CADM2: variants seen among roughly 807,000 people sequenced by gnomAD.
CADM2 encodes immunoglobulin superfamily member 4D.
Under a neutral mutation model 49.8 loss-of-function variants are expected in CADM2, and 12 were observed. The ratio of observed to expected loss-of-function variants is 0.24; its 90% CI spans 0.15 to 0.39. The LOEUF (loss-of-function observed/expected upper bound fraction) is 0.39. Ranked by LOEUF, CADM2 falls within the 10% of genes least tolerant of loss-of-function variation. The probability of loss-of-function intolerance (pLI) is 1.00; values close to 1 mark genes in which losing one functional copy is unlikely to be tolerated. For synonymous variants in CADM2, 214 were observed against 175.4 expected (o/e 1.22, Z -1.74); for missense variants, 378 against 492.3 (o/e 0.77, Z 2.20).
At chr3:85,122,874 A>T (rs1315272342) in intron 1 of CADM2, among the ~76,000 whole-genome samples, 3 of 152,156 alleles carry the variant, frequency 2.0e-5, no homozygotes, top group South Asian at 2.1e-4. Context: ...TCTTCTCAAA[A>T]TTTGGCTCTT....
chr3:85,685,914 A>T (rs923273624), intron 1 of CADM2, among the ~76,000 whole-genome samples: 1 of 152,144 alleles, frequency 6.6e-6, no homozygotes, highest in Admixed American at 6.5e-5. Flanking sequence ...ATGGGCCACC[A>T]CGCCTGGCCT....
chr3:85,843,198 AT>A (rs1179761823), intron 3 of CADM2, among the ~76,000 whole-genome samples: 3 of 152,112 alleles, frequency 2.0e-5, no homozygotes, highest in African/African-American at 7.2e-5. Flanking sequence ...CAGTTTTGAG[AT>A]TATATTTAGA....
At chr3:85,062,915 A>G (rs1015117450) in intron 1 of CADM2, among the ~76,000 whole-genome samples, 2 of 150,728 alleles carry the variant, frequency 1.3e-5, no homozygotes, top group Non-Finnish European at 1.5e-5. Flanking sequence ...CTGTGAATCA[A>G]TTATGAATTT....
At chr3:85,812,040 C>T (rs1325363646) in intron 3 of CADM2, among the ~76,000 whole-genome samples, 1 of 151,754 alleles carries the variant, frequency 6.6e-6, no homozygotes. Flanking sequence ...TATTGCTATG[C>T]CCTGGGAATT....
intron 1 of CADM2, among the ~76,000 whole-genome samples, chr3:85,084,357 G>A (rs1051040311): frequency 2.0e-5 from 3 of 152,008 alleles, no homozygotes; most frequent in Non-Finnish European, 4.4e-5. Context: ...AACTGCCTTC[G>A]TTCACTTCGA....
chr3:86,011,365 T>C (rs1731489348), intron 8 of CADM2, among the ~76,000 whole-genome samples: 1 of 152,170 alleles, frequency 6.6e-6, no homozygotes, highest in Admixed American at 6.5e-5. Context: ...ACCATTTTAA[T>C]CAGTTCATTG....
At chr3:85,797,288 G>T (rs1041373321) in intron 2 of CADM2, among the ~76,000 whole-genome samples, 7 of 151,922 alleles carry the variant, frequency 4.6e-5, no homozygotes, top group African/African-American at 1.7e-4. Flanking sequence ...TCAAGTTCTG[G>T]CATACACGTG....
chr3:85,726,066 T>G (rs753217952), intron 1 of CADM2, among the ~76,000 whole-genome samples: 39 of 152,026 alleles, frequency 2.6e-4, no homozygotes, highest in Non-Finnish European at 5.0e-4. Context: ...AAGTGGTAGA[T>G]GTATGGAAAG....
At chr3:85,851,634 T>G (rs2075113328) in intron 3 of CADM2, among the ~76,000 whole-genome samples, 1 of 148,826 alleles carries the variant, frequency 6.7e-6, no homozygotes, top group African/African-American at 2.5e-5. Context: ...TCAAACACTT[T>G]GTCATACTAG....
At chr3:85,944,636 C>A (rs1413129199) in intron 7 of CADM2, among the ~76,000 whole-genome samples, 1 of 152,056 alleles carries the variant, frequency 6.6e-6, no homozygotes, top group Admixed American at 6.6e-5. Context: ...AACTGCTCAA[C>A]TACATGGAAA....
At chr3:85,142,115 G>A (rs11922640) in intron 1 of CADM2, among the ~76,000 whole-genome samples, 5,457 of 152,272 alleles carry the variant, frequency 0.036, 295 homozygotes, top group African/African-American at 0.12. Flanking sequence ...TGGTGCAGAA[G>A]TAATTGCGGT....
At chr3:85,835,948 G>C (rs1027819163) in intron 3 of CADM2, among the ~76,000 whole-genome samples, 1 of 150,976 alleles carries the variant, frequency 6.6e-6, no homozygotes, top group Non-Finnish European at 1.5e-5. Flanking sequence ...TGGCTATAAA[G>C]CATCATATGT....
chr3:85,925,491 C>T (rs1403138111), intron 6 of CADM2, among the ~76,000 whole-genome samples: 4 of 151,944 alleles, frequency 2.6e-5, no homozygotes, highest in South Asian at 2.1e-4. Context: ...GAATTACAAA[C>T]GGGAAAAATA....
chr3:85,079,671 A>G (rs1214408021), intron 1 of CADM2, among the ~76,000 whole-genome samples: 1 of 151,848 alleles, frequency 6.6e-6, no homozygotes, highest in Non-Finnish European at 1.5e-5. Context: ...CAATTTCTGT[A>G]GTTTTCTCTC....
intron 1 of CADM2, among the ~76,000 whole-genome samples, chr3:85,062,031 C>G (rs2036343428): frequency 6.6e-6 from 1 of 151,108 alleles, no homozygotes; most frequent in Non-Finnish European, 1.5e-5. Context: ...CTGTCTCTGT[C>G]TCTCTGTCTC....
chr3:85,422,535 C>G (rs1334894999), intron 1 of CADM2, among the ~76,000 whole-genome samples: 1 of 152,156 alleles, frequency 6.6e-6, no homozygotes, highest in Non-Finnish European at 1.5e-5. Context: ...TCTCGGCCTC[C>G]CAAAGTGCTG....
At chr3:85,340,431 A>G (rs1055422620) in intron 1 of CADM2, among the ~76,000 whole-genome samples, 3 of 151,522 alleles carry the variant, frequency 2.0e-5, no homozygotes, top group Non-Finnish European at 4.4e-5. Context: ...ATTCAATAAA[A>G]CTGTCTTCAT....
chr3:85,761,902 G>A (rs1323671882), intron 2 of CADM2, among the ~76,000 whole-genome samples: 2 of 152,128 alleles, frequency 1.3e-5, no homozygotes, highest in African/African-American at 4.8e-5. Flanking sequence ...GCTGAGGGTC[G>A]TCCAACAGGT....
At chr3:86,026,016 T>C (rs1420252998) in intron 8 of CADM2, among the ~76,000 whole-genome samples, 2 of 152,114 alleles carry the variant, frequency 1.3e-5, no homozygotes. Context: ...TATGCTTATA[T>C]GAAAATAAAT....
Sources: allele counts gnomAD v4.1 joint callset (sites outside exome capture counted in the v4.1 genomes callset), GRCh38; gene constraint gnomAD v4.1.1; transcripts MANE v1.5; gene names NCBI Gene and HGNC (gene_info 2026-07-23, HGNC 2026-07-21).